Variants in PCBP3 observed in about 807,000 individuals in gnomAD.
The protein encoded by PCBP3 is poly(rC)-binding protein 3.
Under a neutral mutation model 52.7 loss-of-function variants are expected in PCBP3, and 25 were observed. That is an observed-to-expected ratio of 0.47 (90% CI 0.35 to 0.66). PCBP3 has a LOEUF of 0.66. PCBP3 is among the 30% of genes least tolerant of loss of function. The pLI is 0.01. For synonymous variants in PCBP3, 162 were observed against 183.0 expected, an observed-to-expected ratio of 0.89 and a Z score of 0.93; for missense variants, 391 against 490.3, an observed-to-expected ratio of 0.80 and a Z score of 1.91.
At chr21:45,889,816 T>C (rs934301365) in intron 5 of PCBP3, among the ~76,000 whole-genome samples, 5 of 152,210 alleles carry the variant, frequency 3.3e-5, no homozygotes, top group African/African-American at 4.8e-5. Context: ...TTCAAGTACA[T>C]GGAGATTTCA....
At chr21:45,767,352 G>C (rs1015363370) in intron 4 of PCBP3, among the ~76,000 whole-genome samples, 1 of 152,218 alleles carries the variant, frequency 6.6e-6, no homozygotes, top group African/African-American at 2.4e-5. Context: ...AGGTTTATCT[G>C]CATCATCGTA....
intron 4 of PCBP3, among the ~76,000 whole-genome samples, chr21:45,825,259 T>C (rs1477073844): frequency 6.6e-6 from 1 of 152,216 alleles, no homozygotes; most frequent in African/African-American, 2.4e-5. Context: ...AGAATCTAGA[T>C]GACATTCTCA....
intron 1 of PCBP3, among the ~76,000 whole-genome samples, chr21:45,646,083 T>TCTCTCTCTCTTTCTCTC: frequency 1.0e-5 from 1 of 99,622 alleles, no homozygotes. Context: ...CTCTCTCTCT[T>TCTCTCTCTCTTTCTCTC]TCTCTCTCTC....
rs1181112244 is a variant in PCBP3 at position 45,849,026 on chromosome 21, T to G, written c.-125-935T>G. On this transcript the variant is annotated intron_variant, in intron 4 of 17. Transcript: ENST00000681687. The stretch of plus-strand genomic sequence containing the variant: ...TTCTTTGTCCAATAGCATCCTTTTT[T>G]GTTGGTCAGCAAAAATGTAGGTTCT... Among the ~76,000 whole-genome samples the G allele has an allele frequency of 2.0e-5, 3 of 152,190 alleles. No individual in the cohort carries two copies. In the East Asian group the frequency reaches 5.8e-4, roughly 29 times the overall value.
chr21:45,646,073 C>CTCTCTCTT (rs2079239923), intron 1 of PCBP3, among the ~76,000 whole-genome samples: 3 of 123,164 alleles, frequency 2.4e-5, no homozygotes, highest in Non-Finnish European at 5.0e-5. Context: ...CTCTCTCTCT[C>CTCTCTCTT]TCTCTCTCTT....
intron 4 of PCBP3, among the ~76,000 whole-genome samples, chr21:45,844,626 G>A (rs994307760): frequency 5.3e-5 from 8 of 152,052 alleles, no homozygotes; most frequent in Non-Finnish European, 1.0e-4. Flanking sequence ...ATGGTTCCAC[G>A]CGCACCACAA....
chr21:45,887,254 G>C (rs1230590967), intron 5 of PCBP3, among the ~76,000 whole-genome samples: 1 of 152,222 alleles, frequency 6.6e-6, no homozygotes, highest in Non-Finnish European at 1.5e-5. Context: ...TATCCAGGCT[G>C]TTTTGTTGTT....
chr21:45,752,233 G>A (rs1191595754), intron 3 of PCBP3, among the ~76,000 whole-genome samples: 1 of 151,872 alleles, frequency 6.6e-6, no homozygotes, highest in East Asian at 1.9e-4. Context: ...TAGTACTTGT[G>A]TAGTTTAATT....
intron 5 of PCBP3, among the ~76,000 whole-genome samples, chr21:45,873,631 G>A (rs1331356916): frequency 6.6e-6 from 1 of 152,130 alleles, no homozygotes; most frequent in East Asian, 1.9e-4. Flanking sequence ...TGATGAGGGG[G>A]TTCAGGTTTC....
chr21:45,848,728 C>G (rs1378481290), intron 4 of PCBP3, among the ~76,000 whole-genome samples: 1 of 152,100 alleles, frequency 6.6e-6, no homozygotes, highest in African/African-American at 2.4e-5. Flanking sequence ...TGTTTCTCAG[C>G]TTTTACTCAT....
At chr21:45,771,586 A>G (rs1603412993) in intron 4 of PCBP3, among the ~76,000 whole-genome samples, 2 of 152,240 alleles carry the variant, frequency 1.3e-5, no homozygotes, top group South Asian at 4.1e-4. Context: ...ACAAACGTTC[A>G]AGAAACTGAC....
intron 2 of PCBP3, among the ~76,000 whole-genome samples, chr21:45,700,062 G>T (rs908754475): frequency 2.6e-5 from 4 of 152,136 alleles, no homozygotes; most frequent in African/African-American, 9.7e-5. Flanking sequence ...TTTCATTTCT[G>T]TAGTCAAGAA....
In PCBP3 at chr21:45,821,288, T is replaced by G. The variant is rs1389555270; in HGVS notation, c.-125-28673T>G. 2.0e-5 allele frequency among the ~76,000 whole-genome samples: 3 copies of G among 151,866 alleles called. No homozygotes were observed. Among genetic ancestry groups the G allele is most frequent in the Non-Finnish European group, 4.4e-5 (3 of 67,964 alleles). On this transcript the variant is annotated intron_variant, in intron 4 of 17. Coordinates refer to ENST00000681687, the MANE Select transcript of PCBP3 (RefSeq NM_001384156.1). This position sits in a 1 kb window ranked among gnomAD's most constrained non-coding sequence, Gnocchi z 4.4. Reference sequence around the variant, plus strand: ...CTCAGGGTCGCCAGTGACTCCTGGGTCACACTGGCCCAGCACACACTGAGC... The same window carrying G: ...CTCAGGGTCGCCAGTGACTCCTGGGGCACACTGGCCCAGCACACACTGAGC...
chr21:45,677,569 A>C (rs1209649544), intron 2 of PCBP3, among the ~76,000 whole-genome samples: 1 of 152,238 alleles, frequency 6.6e-6, no homozygotes, highest in African/African-American at 2.4e-5. Flanking sequence ...TTCAATGTAG[A>C]CAAAATAGCC....
chr21:45,729,335 T>C (rs763344614), intron 2 of PCBP3, among the ~76,000 whole-genome samples: 3 of 152,226 alleles, frequency 2.0e-5, no homozygotes, highest in African/African-American at 7.2e-5. Context: ...TGTTTCCCCG[T>C]GTTGGCTATT....
At chr21:45,653,197 A>G (rs545828912) in intron 1 of PCBP3, among the ~76,000 whole-genome samples, 3 of 152,262 alleles carry the variant, frequency 2.0e-5, no homozygotes, top group Non-Finnish European at 2.9e-5. Flanking sequence ...AGATATTCCT[A>G]TGTGCCTGGA....
intron 4 of PCBP3, among the ~76,000 whole-genome samples, chr21:45,798,123 C>T: frequency 1.5e-5 from 2 of 136,356 alleles, no homozygotes; most frequent in African/African-American, 5.6e-5. Flanking sequence ...TGGACAGATG[C>T]ATGTATCCAT....
At position 45,778,631 on chromosome 21, in the gene PCBP3, T is replaced by TG. The variant is rs552388623; in HGVS notation, c.-126+23182dup. Among the ~76,000 whole-genome samples, 86 of 152,280 alleles carry TG rather than the reference T, an allele frequency of 5.6e-4. 1 individual carries two copies. The East Asian group carries it at 0.015, about 26-fold the overall frequency. ...AGGTGCCAGCTGAGGTGATAGCAGC[T>TG]GGGAGATGAGACCCAAACTCAAGCC... On this transcript the variant is annotated intron_variant, in intron 4 of 17. Transcript: ENST00000681687.
rs1011623622 is a variant in PCBP3 at position 45,788,067 on chromosome 21, G to C, written c.-126+32615G>C. Reference sequence around the variant, plus strand: ...TGTCAGGAGTTGACAGGAGGGCATAGCCAGGAACAGCTGGTGTCTCCTTAC... The same window carrying C: ...TGTCAGGAGTTGACAGGAGGGCATACCCAGGAACAGCTGGTGTCTCCTTAC... On this transcript the variant is annotated intron_variant, in intron 4 of 17. Transcript: ENST00000681687. This position sits in a 1 kb window ranked among gnomAD's most constrained non-coding sequence, Gnocchi z 4.3. 2.0e-5 allele frequency among the ~76,000 whole-genome samples: 3 copies of C among 152,174 alleles called. No individual in the cohort carries two copies. Among genetic ancestry groups the C allele is most frequent in the African/African-American group, 7.2e-5 (3 of 41,432 alleles).
Sources: gnomAD v4.1 joint callset for allele counts (sites outside exome capture counted in the v4.1 genomes callset) on GRCh38, gnomAD v4.1.1 for gene constraint, Gnocchi (gnomAD v3.1) non-coding constraint, MANE v1.5 for transcripts, NCBI Gene and HGNC (gene_info 2026-07-23, HGNC 2026-07-21) for gene names.